NUP35: variants seen among roughly 807,000 people sequenced by gnomAD.
NUP35 encodes nucleoporin 35, also known as nucleoporin NUP35.
Under a neutral mutation model 41.5 loss-of-function variants are expected in NUP35, and 25 were observed. The ratio of observed to expected loss-of-function variants is 0.60; its 90% CI spans 0.44 to 0.84. NUP35 has a LOEUF of 0.84. Ranked by LOEUF, NUP35 falls within the 40% of genes least tolerant of loss-of-function variation. The pLI, the probability that NUP35 is intolerant of heterozygous loss-of-function variation, is 0.00. For missense variants in NUP35, 396 were observed against 396.6 expected (o/e 1.00, Z 0.01); for synonymous variants, 149 against 130.7 (o/e 1.14, Z -0.96).
At chr2:183,123,351 T>G (rs993233074), upstream of NUP35, among the ~76,000 whole-genome samples, 1 of 152,172 alleles carries the variant, frequency 6.6e-6, no homozygotes, top group Non-Finnish European at 1.5e-5. Flanking sequence ...AAGGTCATAT[T>G]CATAAGTATG....
At chr2:183,149,306 CAA>C (rs1030246893) in intron 4 of NUP35, among the ~76,000 whole-genome samples, 2 of 152,000 alleles carry the variant, frequency 1.3e-5, no homozygotes, top group African/African-American at 4.8e-5. Context: ...AAAATTAAAA[CAA>C]AATTTAAAAT....
chr2:183,132,778 A>G (rs1473969172), intron 3 of NUP35, among the ~76,000 whole-genome samples: 1 of 152,196 alleles, frequency 6.6e-6, no homozygotes, highest in African/African-American at 2.4e-5. Flanking sequence ...TAGAGCCCAA[A>G]TTAGTTATGC....
intron 4 of NUP35, among the ~76,000 whole-genome samples, chr2:183,149,827 G>A (rs1685402130): frequency 6.6e-6 from 1 of 152,136 alleles, no homozygotes; most frequent in Admixed American, 6.5e-5. Flanking sequence ...GGACTAATTG[G>A]ACCTTTTGTA....
intron 1 of NUP35, among the ~76,000 whole-genome samples, chr2:183,128,073 G>GAA (rs11366544): frequency 1.2e-4 from 17 of 137,308 alleles, no homozygotes; most frequent in South Asian, 4.5e-4. Context: ...CTCGGACTCA[G>GAA]AAAAAAAAAA....
intron 1 of NUP35, 105 bp downstream of exon 1, chr2:183,124,602 A>G (rs1575109948): frequency 6.9e-7 from 1 of 1,444,798 alleles, no homozygotes; most frequent in Non-Finnish European, 9.7e-7. Flanking sequence ...TGCTGGTTTC[A>G]GTCGCGGAGA....
In NUP35 at chr2:183,130,468, G is replaced by A. The variant is rs763888991; in HGVS notation, c.262G>A (p.Ala88Thr). ...ACCAGCTCATAAAGATAAAAGTGGCGCTCCACCAGTTAGAAGTATATATGA... is the reference window on the plus strand; with the variant it reads ...ACCAGCTCATAAAGATAAAAGTGGCACTCCACCAGTTAGAAGTATATATGA... ...VVPAHKDKSG[A>T]PPVRSIYDDI... Residue 88 changes from alanine (A) to threonine (T), a missense_variant, in exon 3 of 9, where the codon GCT becomes ACT. Ala to Thr is a moderately conservative substitution (Grantham distance 58, BLOSUM62 0). Coordinates refer to ENST00000295119, the MANE Select transcript of NUP35 (RefSeq NM_138285.5). The A allele has an allele frequency of 2.5e-6, 4 of 1,608,920 alleles. No individual in the cohort carries two copies. The highest frequency in any genetic ancestry group is 1.7e-5 in the Admixed American group (1 of 59,204).
upstream of NUP35, among the ~76,000 whole-genome samples, chr2:183,120,272 CCT>C (rs1382418325): frequency 6.6e-6 from 1 of 152,034 alleles, no homozygotes; most frequent in African/African-American, 2.4e-5. Flanking sequence ...ATGGCAAAAC[CCT>C]GTCTCTACTA....
In NUP35 at chr2:183,130,408, T is replaced by TTTTC; in HGVS notation, c.212-10_212-9insTTTC. ...ATCCCTTTTTTTTTTTTTTTTTTTG[T>TTTTC]ACACTGTAGGTGGGTCACCACCACA... is the stretch of plus-strand genomic sequence containing the variant. On this transcript the variant is annotated splice_polypyrimidine_tract_variant and intron_variant, in intron 2 of 8. Transcript: ENST00000295119. The TTTTC allele has an allele frequency of 1.5e-6, 2 of 1,353,246 alleles. No individual in the cohort carries two copies. Among genetic ancestry groups the TTTTC allele is most frequent in the Non-Finnish European group, 1.9e-6 (2 of 1,049,896 alleles). 83.8% of individuals were successfully genotyped at this position (1,353,246 alleles called of 1,614,324 possible).
At chr2:183,142,778 C>G (rs1685143140) in intron 4 of NUP35, among the ~76,000 whole-genome samples, 1 of 151,960 alleles carries the variant, frequency 6.6e-6, no homozygotes. Flanking sequence ...CCATGCCCCA[C>G]CATCTCAGTT....
At chr2:183,144,921 T>A (rs1482421658) in intron 4 of NUP35, among the ~76,000 whole-genome samples, 1 of 152,232 alleles carries the variant, frequency 6.6e-6, no homozygotes, top group Non-Finnish European at 1.5e-5. Context: ...ATTTGTTTTA[T>A]TTTTAAAGGT....
At chr2:183,132,352 A>G (rs1684725851) in intron 3 of NUP35, among the ~76,000 whole-genome samples, 1 of 151,862 alleles carries the variant, frequency 6.6e-6, no homozygotes, top group African/African-American at 2.4e-5. Flanking sequence ...CATGAGTTTG[A>G]GATCAGCTTG....
At chr2:183,130,322 G>C in intron 2 of NUP35, 96 bp from the exon 3 acceptor site, 1 of 1,289,874 alleles carries the variant, frequency 7.8e-7, no homozygotes, top group Non-Finnish European at 1.0e-6. Flanking sequence ...AGAACTAACA[G>C]ACAAGATTTT....
chr2:183,157,328 C>T (rs1316157455), intron 5 of NUP35, 116 bp from the exon 6 acceptor site: 7 of 794,352 alleles, frequency 8.8e-6, no homozygotes, highest in Non-Finnish European at 1.5e-5. Flanking sequence ...TCAGCACTCT[C>T]CTGTTAACGT....
At chr2:183,159,331 G>T (rs1268022462) in intron 7 of NUP35, among the ~76,000 whole-genome samples, 157 bp from the exon 8 acceptor site, 1 of 152,116 alleles carries the variant, frequency 6.6e-6, no homozygotes. Context: ...TACCTAAGAA[G>T]CAAATATTTT....
rs778098400 is a variant in NUP35 at position 183,124,466 on chromosome 2, C to T, written c.9C>T (p.Ala3=). The T allele has an allele frequency of 6.2e-7, 1 of 1,614,170 alleles. No homozygotes were observed. Reference sequence around the variant, plus strand: ...GTGTAGTTGCCGACGCAATGGCAGCCTTTGCAGTGGAACCTCAGGGGCCCG... The same window carrying T: ...GTGTAGTTGCCGACGCAATGGCAGCTTTTGCAGTGGAACCTCAGGGGCCCG... MA[A]FAVEPQGPAL... is the part of the protein sequence containing the mutation. The change falls in exon 1 of 9, where the codon GCC becomes GCT. Residue 3 remains alanine (A), a synonymous_variant. Transcript: ENST00000295119.
chr2:183,136,583 T>A (rs1028841796), intron 4 of NUP35, among the ~76,000 whole-genome samples: 1 of 152,242 alleles, frequency 6.6e-6, no homozygotes, highest in Admixed American at 6.5e-5. Flanking sequence ...TCCTTTGTTA[T>A]GCTTCATATA....
chr2:183,160,984 A>C, intron 8 of NUP35, 70 bp from the exon 9 acceptor site: 1 of 1,140,322 alleles, frequency 8.8e-7, no homozygotes, highest in Non-Finnish European at 1.3e-6. Context: ...TAAATGAGCA[A>C]TTCTAGAATT....
At chr2:183,121,915 TTTA>T (rs71008266), upstream of NUP35, among the ~76,000 whole-genome samples, 29 of 145,356 alleles carry the variant, frequency 2.0e-4, no homozygotes, top group Middle Eastern at 3.5e-3. Flanking sequence ...GGCCATTCTT[TTTA>T]TTATTATTAT....
intron 5 of NUP35, among the ~76,000 whole-genome samples, chr2:183,153,558 T>C (rs1422324042): frequency 2.0e-5 from 3 of 152,120 alleles, no homozygotes; most frequent in Non-Finnish European, 2.9e-5. Flanking sequence ...ATTTTAAAGC[T>C]CCAAAATGAT....
Sources: allele counts gnomAD v4.1 joint callset (sites outside exome capture counted in the v4.1 genomes callset), GRCh38; gene constraint gnomAD v4.1.1; transcripts MANE v1.5; gene names NCBI Gene and HGNC (gene_info 2026-07-23, HGNC 2026-07-21).